Variants in ROBO2 observed in about 807,000 individuals in gnomAD.
ROBO2 encodes the protein roundabout homolog 2.
A neutral mutation model predicts 160.8 loss-of-function variants in ROBO2; 53 were observed. The ratio of observed to expected loss-of-function variants is 0.33; its 90% CI spans 0.26 to 0.41. ROBO2 has a LOEUF of 0.41. ROBO2 is among the 10% of genes least tolerant of loss of function. The pLI is 1.00. For synonymous variants in ROBO2, 664 were observed against 611.7 expected (o/e 1.09, Z -1.26); for missense variants, 1,577 against 1,722.4 (o/e 0.92, Z 1.49).
intron 2 of ROBO2, among the ~76,000 whole-genome samples, chr3:76,141,062 TA>T (rs1437508219): frequency 6.5e-5 from 7 of 107,116 alleles, no homozygotes; most frequent in African/African-American, 2.7e-4. Flanking sequence ...TTTACATACA[TA>T]TATATATATA....
At chr3:76,989,204 A>G (rs941722223) in intron 2 of ROBO2, among the ~76,000 whole-genome samples, 3 of 152,158 alleles carry the variant, frequency 2.0e-5, no homozygotes, top group African/African-American at 7.2e-5. Context: ...CAGTAATAGG[A>G]AATATTTATG....
chr3:76,372,274 G>A (rs1056596922), intron 2 of ROBO2, among the ~76,000 whole-genome samples: 5 of 151,886 alleles, frequency 3.3e-5, no homozygotes, highest in Admixed American at 3.3e-4. Flanking sequence ...ATTCTGTACA[G>A]AAGCTAAAAA....
At position 77,532,858 on chromosome 3, in the gene ROBO2, CTAAGT is replaced by C. The variant is rs1381265357; in HGVS notation, c.934+9959_934+9963del. On this transcript the variant is annotated intron_variant, in intron 6 of 25. Transcript: ENST00000461745. ...GTATATAATTTCATTTAGACGATGC[CTAAGT>C]TATTTGTTTTAAATTGTTTCTGTGT... Among the ~76,000 whole-genome samples, 18 of 151,816 alleles carry C rather than the reference CTAAGT, an allele frequency of 1.2e-4. 1 individual carries two copies. Among genetic ancestry groups the C allele is most frequent in the Admixed American group, 9.9e-4 (15 of 15,226 alleles).
chr3:76,069,835 T>C (rs1489093), intron 2 of ROBO2, among the ~76,000 whole-genome samples: 94,764 of 152,010 alleles, frequency 0.62, 30,189 homozygotes, highest in African/African-American at 0.75. Context: ...GAAGCCATGG[T>C]AGAAGAACGT....
At chr3:77,187,322 T>C (rs2150908500) in intron 2 of ROBO2, among the ~76,000 whole-genome samples, 1 of 152,078 alleles carries the variant, frequency 6.6e-6, no homozygotes, top group African/African-American at 2.4e-5. Context: ...ATACCTAAGA[T>C]TTGTTTTTGC....
At chr3:76,027,344 G>A (rs1424163210) in intron 2 of ROBO2, among the ~76,000 whole-genome samples, 1 of 151,830 alleles carries the variant, frequency 6.6e-6, no homozygotes, top group Non-Finnish European at 1.5e-5. Flanking sequence ...CATTTCTGGT[G>A]GACAGAATCT....
chr3:76,087,651 A>G (rs2108070858), intron 2 of ROBO2, among the ~76,000 whole-genome samples: 1 of 152,144 alleles, frequency 6.6e-6, no homozygotes, highest in South Asian at 2.1e-4. Flanking sequence ...TTATCTAATA[A>G]CAGTTTATTC....
At chr3:75,956,031 T>C (rs1251752821) in intron 2 of ROBO2, among the ~76,000 whole-genome samples, 1 of 151,844 alleles carries the variant, frequency 6.6e-6, no homozygotes, top group Non-Finnish European at 1.5e-5. Context: ...GAATTCATCA[T>C]ACTTTATCTC....
At chr3:77,516,011 G>A (rs1325000400) in intron 5 of ROBO2, among the ~76,000 whole-genome samples, 1 of 151,364 alleles carries the variant, frequency 6.6e-6, no homozygotes, top group African/African-American at 2.4e-5. Flanking sequence ...TATTATCATA[G>A]AGGTACTTTA....
intron 2 of ROBO2, among the ~76,000 whole-genome samples, chr3:77,260,597 T>A (rs192801644): frequency 3.9e-5 from 6 of 152,246 alleles, no homozygotes; most frequent in Admixed American, 3.9e-4. Context: ...ACACGAAGAT[T>A]CAGCTCAAGT....
intron 2 of ROBO2, among the ~76,000 whole-genome samples, chr3:76,888,313 A>G (rs1208368820): frequency 6.6e-6 from 1 of 152,150 alleles, no homozygotes; most frequent in Non-Finnish European, 1.5e-5. Flanking sequence ...GGCTGCTGTG[A>G]GCCGAAATCA....
chr3:76,024,854 T>C (rs2066686988), intron 2 of ROBO2, among the ~76,000 whole-genome samples: 2 of 151,526 alleles, frequency 1.3e-5, no homozygotes, highest in African/African-American at 4.8e-5. Flanking sequence ...TGGAACTCTT[T>C]CATTTTGCTT....
intron 2 of ROBO2, among the ~76,000 whole-genome samples, chr3:76,669,071 C>T (rs1028552711): frequency 1.3e-5 from 2 of 152,016 alleles, no homozygotes; most frequent in Admixed American, 1.3e-4. Flanking sequence ...GTTTAGGATT[C>T]CAGATCATGA....
intron 2 of ROBO2, among the ~76,000 whole-genome samples, chr3:76,883,301 C>T (rs532459989): frequency 6.6e-6 from 1 of 152,116 alleles, no homozygotes; most frequent in African/African-American, 2.4e-5. Flanking sequence ...TCTACATCAT[C>T]AGCATGTAAA....
intron 2 of ROBO2, among the ~76,000 whole-genome samples, chr3:76,053,160 A>G (rs1394135701): frequency 6.6e-6 from 1 of 151,974 alleles, no homozygotes; most frequent in Non-Finnish European, 1.5e-5. Context: ...CATTGAACTT[A>G]TTCAGGGTCA....
chr3:75,989,659 C>T (rs1229567364), intron 2 of ROBO2, among the ~76,000 whole-genome samples: 5 of 152,166 alleles, frequency 3.3e-5, no homozygotes, highest in East Asian at 1.9e-4. Flanking sequence ...TTGTTTCACA[C>T]GTTTGTCTGT....
intron 2 of ROBO2, among the ~76,000 whole-genome samples, chr3:76,768,938 A>C (rs2061724356): frequency 6.6e-6 from 1 of 151,474 alleles, no homozygotes; most frequent in African/African-American, 2.4e-5. Flanking sequence ...TGTTGAACAA[A>C]AGTACAATCT....
chr3:77,314,209 G>A (rs986811399), intron 2 of ROBO2, among the ~76,000 whole-genome samples: 2 of 152,152 alleles, frequency 1.3e-5, no homozygotes, highest in African/African-American at 2.4e-5. Context: ...TTTCTGGAAG[G>A]AGGGGACCAC....
intron 2 of ROBO2, among the ~76,000 whole-genome samples, chr3:75,947,645 G>C (rs4116812): frequency 0.41 from 61,805 of 149,528 alleles, 12,869 homozygotes; most frequent in South Asian, 0.63. Context: ...TATGTCAACT[G>C]AAGTGTGTAG....
Sources: gnomAD v4.1 joint callset for allele counts (sites outside exome capture counted in the v4.1 genomes callset) on GRCh38, gnomAD v4.1.1 for gene constraint, MANE v1.5 for transcripts, NCBI Gene and HGNC (gene_info 2026-07-23, HGNC 2026-07-21) for gene names.